The following MST1R variants were observed in gnomAD, a reference collection of about 807,000 sequenced individuals.
MST1R encodes the protein macrophage-stimulating protein receptor.
In MST1R, 99 loss-of-function variants were observed where a neutral mutation model predicts 117.8. The ratio of observed to expected loss-of-function variants is 0.84; its 90% CI spans 0.71 to 0.99. MST1R has a LOEUF of 0.99. MST1R is among the 50% of genes least tolerant of loss of function. MST1R has a pLI of 0.00. For synonymous variants in MST1R, 734 were observed against 765.3 expected (o/e 0.96, Z 0.68); for missense variants, 1,683 against 1,840.2 (o/e 0.91, Z 1.56).
chr3:49,890,799 C>T (rs2108381038), intron 17 of MST1R, 149 bp from the exon 18 acceptor site: 1 of 757,112 alleles, frequency 1.3e-6, no homozygotes, highest in African/African-American at 1.8e-5. Context: ...GATCTCCGCT[C>T]ACTGCAAGCT....
chr3:49,896,931 T>C (rs2082496861), intron 7 of MST1R, 41 bp from the exon 8 acceptor site: 2 of 1,456,728 alleles, frequency 1.4e-6, no homozygotes, highest in Non-Finnish European at 1.8e-6. Context: ...ACCCTCTTTG[T>C]GATGGCCAGG....
chr3:49,888,879 G>A (rs1159318430), intron 19 of MST1R, among the ~76,000 whole-genome samples: 1 of 152,220 alleles, frequency 6.6e-6, no homozygotes, highest in Non-Finnish European at 1.5e-5. Flanking sequence ...TGGACCCTAT[G>A]GTGTGCCACC....
In MST1R at chr3:49,903,245, A is replaced by T. The variant is rs759061215; in HGVS notation, c.365T>A (p.Val122Glu). The T allele has an allele frequency of 2.5e-6, 4 of 1,608,846 alleles. No individual in the cohort carries two copies. The South Asian group carries it at 4.4e-5, about 18-fold the overall frequency. Reference sequence around the variant, plus strand: ...AGGCAGCGCGGGATCCAGCACCAGCACCTTTGTGTCTGTGTCACCGGGAGG... The same window carrying T: ...AGGCAGCGCGGGATCCAGCACCAGCTCCTTTGTGTCTGTGTCACCGGGAGG... ...HGPPGDTDTK[V>E]LVLDPALPAL... Residue 122 changes from valine (V) to glutamate (E), a missense_variant, in exon 1 of 20, where the codon GTG becomes GAG. Val to Glu is a moderately radical substitution (Grantham distance 121). Transcript: ENST00000296474.
rs771121262 is a variant in MST1R at position 49,897,561 on chromosome 3, G to C, written c.2005C>G (p.Arg669Gly). The C allele has an allele frequency of 6.2e-7, 1 of 1,614,078 alleles. No homozygotes were observed. Among genetic ancestry groups the C allele is most frequent in the Non-Finnish European group, 8.5e-7 (1 of 1,180,016 alleles). Reference sequence around the variant, plus strand: ...CTCAGCACGGAGGTGCCGTCTACCCGGAAGTGCTTGCCCGGTGGCATGTTA... The same window carrying C: ...CTCAGCACGGAGGTGCCGTCTACCCCGAAGTGCTTGCCCGGTGGCATGTTA... ...VTNMPPGKHF[R>G]VDGTSVLRGF... The change falls in exon 6 of 20, where the codon CGG (arginine) becomes GGG (glycine). Residue 669 changes from arginine to glycine, a missense_variant. Physicochemically the swap from Arg to Gly is moderately radical, Grantham distance 125. Coordinates refer to ENST00000296474, the MANE Select transcript of MST1R (RefSeq NM_002447.4).
rs946978347 is a variant in MST1R at position 49,895,379 on chromosome 3, G to C, written c.3065-6C>G. On this transcript the variant is annotated splice_region_variant and splice_polypyrimidine_tract_variant and intron_variant, in intron 13 of 19. Transcript: ENST00000296474. Reference sequence around the variant, plus strand: ...ACCATCAATGGCAGGGAGTGCTGTGGGGAGAGGGAATGAGGAGCTTGTAGG... The same window carrying C: ...ACCATCAATGGCAGGGAGTGCTGTGCGGAGAGGGAATGAGGAGCTTGTAGG... 3.1e-6 allele frequency: 5 copies of C among 1,614,106 alleles called. No homozygotes were observed. Among genetic ancestry groups the C allele is most frequent in the Non-Finnish European group, 4.2e-6 (5 of 1,180,044 alleles).
At chr3:49,890,284 G>C (rs1575422867) in intron 18 of MST1R, among the ~76,000 whole-genome samples, 1 of 152,278 alleles carries the variant, frequency 6.6e-6, no homozygotes, top group South Asian at 2.1e-4. Context: ...TATCTGTGAG[G>C]AGCCAGTGAG....
At position 49,898,556 on chromosome 3, in the gene MST1R, A is replaced by G; in HGVS notation, c.1681T>C (p.Ser561Pro). ...MCGQQKECPGSWQQDHCPPKL... is the reference protein window; with the variant it reads ...MCGQQKECPGPWQQDHCPPKL... ...GGTGGGCAGTGGTCCTGTTGCCAGG[A>G]GCCAGGACACTCCTTCTGCTGGCCG... The change falls in exon 4 of 20, where the codon TCC becomes CCC. Residue 561 changes from serine to proline, a missense_variant. Coordinates refer to ENST00000296474, the MANE Select transcript of MST1R (RefSeq NM_002447.4). 6.2e-7 allele frequency: 1 copy of G among 1,613,972 alleles called. No homozygotes were observed. The highest frequency in any genetic ancestry group is 8.5e-7 in the Non-Finnish European group (1 of 1,180,034).
In MST1R at chr3:49,903,466, G is replaced by C; in HGVS notation, c.144C>G (p.Ser48Arg). ...CCTGTACCAGGCCTCCGGCGGAGAA[G>C]CTGGGCACCACGTACTTCACGTCAA... ...RDFDVKYVVP[S>R]FSAGGLVQAM... is the part of the protein sequence containing the mutation. The change falls in exon 1 of 20, where the codon AGC becomes AGG. Residue 48 changes from serine to arginine, a missense_variant. Ser to Arg is a moderately radical substitution (Grantham distance 110). Coordinates refer to ENST00000296474, the MANE Select transcript of MST1R (RefSeq NM_002447.4). 2.5e-6 allele frequency: 4 copies of C among 1,613,216 alleles called. No individual in the cohort carries two copies. The highest frequency in any genetic ancestry group is 3.4e-6 in the Non-Finnish European group (4 of 1,180,000).
At position 49,903,323 on chromosome 3, in the gene MST1R, G is replaced by A. The variant is rs2108512794; in HGVS notation, c.287C>T (p.Ala96Val). The change falls in exon 1 of 20, where the codon GCT (alanine) becomes GTT (valine). Residue 96 changes from alanine (A) to valine (V), a missense_variant. Ala to Val is a moderately conservative substitution (Grantham distance 64, BLOSUM62 0). Coordinates refer to ENST00000296474, the MANE Select transcript of MST1R (RefSeq NM_002447.4). ...ACACGTCTGGCAGCCAGGGTCTCCA[G>A]CAGGGCCCGTGGCCAGGCTCTGGAC... ...KSVQSLATGPAGDPGCQTCAA... is the reference protein window; with the variant it reads ...KSVQSLATGPVGDPGCQTCAA... 1 of 1,613,116 alleles carries A rather than the reference G, an allele frequency of 6.2e-7. No individual in the cohort carries two copies. Among genetic ancestry groups the A allele is most frequent in the Non-Finnish European group, 8.5e-7 (1 of 1,179,964 alleles).
At chr3:49,892,130 A>C (rs1370739482) in intron 14 of MST1R, among the ~76,000 whole-genome samples, 1 of 151,364 alleles carries the variant, frequency 6.6e-6, no homozygotes, top group Non-Finnish European at 1.5e-5. Context: ...CACACAGCTA[A>C]TTTTTTTGTA....
chr3:49,897,144 T>C (rs1340607957), intron 7 of MST1R, 136 bp downstream of exon 7: 16 of 1,322,088 alleles, frequency 1.2e-5, no homozygotes, highest in Non-Finnish European at 1.6e-5. Flanking sequence ...AAGAGGGCAG[T>C]AGTCTTTTCT....
chr3:49,897,615 C>T lies in MST1R; in HGVS notation c.1951G>A (p.Gly651Arg). The change falls in exon 6 of 20, where the codon GGG becomes AGG. Residue 651 changes from glycine to arginine, a missense_variant. Transcript: ENST00000296474. ...ELEPLGTQAV[G>R]PTNVSLTVTN... The stretch of plus-strand genomic sequence containing the variant: ...ACGGTGAGGCTGACGTTGGTAGGCC[C>T]CACTGCCTGGGTGCCCAAGGGCTCC... 6.2e-7 allele frequency: 1 copy of T among 1,614,172 alleles called. No homozygotes were observed. Among genetic ancestry groups the T allele is most frequent in the Non-Finnish European group, 8.5e-7 (1 of 1,180,044 alleles).
intron 18 of MST1R, 109 bp from the exon 19 acceptor site, chr3:49,890,169 T>C: frequency 7.4e-7 from 1 of 1,345,096 alleles, no homozygotes; most frequent in Non-Finnish European, 1.0e-6. Context: ...TGGAAGACCC[T>C]ACCCTCCACT....
chr3:49,896,205 A>T lies in MST1R; in HGVS notation c.2639T>A (p.Ile880Asn). ...LVPLKPEEHA[I>N]KFEYIGLGAV... ...ATCCCTTACACTTACCTCAAACTTAATGGCATGCTCCTCAGGCTTCAGTGG... is the reference window on the plus strand; with the variant it reads ...ATCCCTTACACTTACCTCAAACTTATTGGCATGCTCCTCAGGCTTCAGTGG... The change falls in exon 10 of 20, where the codon ATT becomes AAT. Residue 880 changes from isoleucine to asparagine, a missense_variant. Physicochemically the swap from Ile to Asn is moderately radical, Grantham distance 149 (BLOSUM62 -3). Transcript: ENST00000296474. 2 of 1,614,042 alleles carry T rather than the reference A, an allele frequency of 1.2e-6. No individual in the cohort carries two copies. The highest frequency in any genetic ancestry group is 1.7e-6 in the Non-Finnish European group (2 of 1,179,998).
chr3:49,901,166 A>G (rs1002140328), intron 1 of MST1R, among the ~76,000 whole-genome samples: 2 of 152,116 alleles, frequency 1.3e-5, no homozygotes, highest in African/African-American at 2.4e-5. Context: ...GGAGTCCCCA[A>G]CCCTAGGGCC....
rs776678200 is a variant in MST1R at position 49,891,421 on chromosome 3, T to C, written c.3512A>G (p.Gln1171Arg). 13 of 1,613,846 alleles carry C rather than the reference T, an allele frequency of 8.1e-6. No individual in the cohort carries two copies. The highest frequency in any genetic ancestry group is 9.3e-6 in the Non-Finnish European group (11 of 1,180,016). ...LPYMCHGDLL[Q>R]FIRSPQRNPT... Reference sequence around the variant, plus strand: ...GACCCGCTGAGGTGAGCGGATGAACTGGAGCAGGTCACCGTGGCACATATA... The same window carrying C: ...GACCCGCTGAGGTGAGCGGATGAACCGGAGCAGGTCACCGTGGCACATATA... Residue 1171 changes from glutamine to arginine, a missense_variant, in exon 16 of 20, where the codon CAG becomes CGG. Coordinates refer to ENST00000296474, the MANE Select transcript of MST1R (RefSeq NM_002447.4).
chr3:49,899,656 A>G (rs1054998894), intron 1 of MST1R: 1 of 172,952 alleles, frequency 5.8e-6, no homozygotes, highest in African/African-American at 2.8e-5. Flanking sequence ...GCTCACTGCA[A>G]CACCTCCCGG....
Position 49,898,580 on chromosome 3 carries a change from C to A in MST1R, c.1657G>T (p.Gly553Cys), listed in dbSNP as rs374311934. Reference sequence around the variant, plus strand: ...GAGCCAGGACACTCCTTCTGCTGGCCGCACATGTTCCCACACCAGCCACAG... The same window carrying A: ...GAGCCAGGACACTCCTTCTGCTGGCAGCACATGTTCCCACACCAGCCACAG... Reference protein sequence around the residue: ...MGCGWCGNMCGQQKECPGSWQ... With the variant: ...MGCGWCGNMCCQQKECPGSWQ... The change falls in exon 4 of 20, where the codon GGC (glycine) becomes TGC (cysteine). Residue 553 changes from glycine (G) to cysteine (C), a missense_variant. Transcript: ENST00000296474. 6.2e-7 allele frequency: 1 copy of A among 1,613,976 alleles called. No individual in the cohort carries two copies. Among genetic ancestry groups the A allele is most frequent in the African/African-American group, 1.3e-5 (1 of 74,926 alleles).
At chr3:49,899,393 G>T in intron 1 of MST1R, 130 bp from the exon 2 acceptor site, 1 of 970,460 alleles carries the variant, frequency 1.0e-6, no homozygotes, top group Non-Finnish European at 1.5e-6. Flanking sequence ...AAGGCCCTGG[G>T]CCTGCCGGTT....
Sources: allele counts gnomAD v4.1 joint callset (sites outside exome capture counted in the v4.1 genomes callset), GRCh38; gene constraint gnomAD v4.1.1; transcripts MANE v1.5; gene names NCBI Gene and HGNC (gene_info 2026-07-23, HGNC 2026-07-21).